Variants in FAM90A20 observed in about 807,000 individuals in gnomAD.
FAM90A20 encodes protein FAM90A20.
chr8:7,297,264 G>A, the FAM90A20 span: 236 of 1,416,966 alleles, frequency 1.7e-4, 12 homozygotes, highest in East Asian at 2.5e-4. Context: ...GACATCCCTC[G>A]GCCTGCAGTC....
chr8:7,296,411 C>A, the FAM90A20 span: 2 of 738,106 alleles, frequency 2.7e-6, no homozygotes, highest in Non-Finnish European at 2.5e-6. Flanking sequence ...AGTGTCACCC[C>A]GGGCCCCTGG....
At chr8:7,297,126 C>T in the FAM90A20 span, 1 of 1,515,544 alleles carries the variant, frequency 6.6e-7, no homozygotes, top group South Asian at 1.1e-5. Context: ...CCTGTCCTCT[C>T]TGGTCGCTCA....
At chr8:7,297,120 T>C in the FAM90A20 span, 3 of 1,507,850 alleles carry the variant, frequency 2.0e-6, no homozygotes, top group Non-Finnish European at 2.7e-6. Flanking sequence ...ATGGACCCTG[T>C]CCTCTCTGGT....
At chr8:7,297,400 G>C in the FAM90A20 span, 4 of 1,539,438 alleles carry the variant, frequency 2.6e-6, 1 homozygote, top group Non-Finnish European at 2.6e-6. Context: ...TCAGAACCCA[G>C]GCACAAGACA....
At chr8:7,297,470 G>T in the FAM90A20 span, 2 of 1,545,118 alleles carry the variant, frequency 1.3e-6, no homozygotes, top group Non-Finnish European at 1.7e-6. Context: ...CTTGGGCCTA[G>T]GCTCCAATCT....
At chr8:7,297,105 C>G in the FAM90A20 span, 8 of 1,502,376 alleles carry the variant, frequency 5.3e-6, 1 homozygote, top group Admixed American at 8.5e-5. Context: ...TGTAAGAGGC[C>G]GCGCATGGAC....
At chr8:7,296,978 T>C in the FAM90A20 span, 1 of 1,191,176 alleles carries the variant, frequency 8.4e-7, no homozygotes, top group Non-Finnish European at 1.2e-6. Context: ...TCATGGTGTG[T>C]GCACCTTGTC....
At chr8:7,297,692 C>T in the FAM90A20 span, 23 of 1,414,002 alleles carry the variant, frequency 1.6e-5, no homozygotes, top group South Asian at 1.0e-4. Context: ...GACACCGGCC[C>T]AGGTGCCCAG....
the FAM90A20 span, chr8:7,296,421 G>T: frequency 1.8e-5 from 13 of 731,716 alleles, 2 homozygotes; most frequent in East Asian, 2.8e-4. Context: ...CGGGCCCCTG[G>T]TCCTTTTATC....
chr8:7,297,061 G>A, the FAM90A20 span: 7 of 1,500,898 alleles, frequency 4.7e-6, 1 homozygote, highest in East Asian at 1.2e-4. Flanking sequence ...CTCTCTTTCA[G>A]GTTGCAAGGG....
the FAM90A20 span, chr8:7,297,008 C>T: frequency 1.4e-6 from 2 of 1,410,802 alleles, no homozygotes; most frequent in African/African-American, 2.1e-5. Flanking sequence ...GTTTGATTTT[C>T]ATGTTGGCTC....
chr8:7,297,533 C>G, the FAM90A20 span: 11 of 1,523,132 alleles, frequency 7.2e-6, 1 homozygote, highest in East Asian at 6.7e-5. Context: ...TCAGGCTTGC[C>G]TGAACTTCCC....
the FAM90A20 span, among the ~76,000 whole-genome samples, chr8:7,296,674 G>T: frequency 7.4e-6 from 1 of 135,566 alleles, no homozygotes; most frequent in South Asian, 2.2e-4. Flanking sequence ...GGCCGCAAAC[G>T]TGGAGAAGGC....
At chr8:7,296,657 C>G in the FAM90A20 span, among the ~76,000 whole-genome samples, 2 of 135,096 alleles carry the variant, frequency 1.5e-5, 1 homozygote. Context: ...GAAATTAGTC[C>G]CTCAGAGGCC....
chr8:7,297,618 A>T, the FAM90A20 span: 1 of 1,428,242 alleles, frequency 7.0e-7, no homozygotes. Flanking sequence ...GCCCCGGAGA[A>T]TCTCCAACCT....
chr8:7,297,163 C>G, the FAM90A20 span: 17 of 1,533,300 alleles, frequency 1.1e-5, 1 homozygote, highest in East Asian at 3.8e-4. Context: ...GCAGGGGCTC[C>G]GTCTTGGCTT....
At chr8:7,295,520 T>A in the FAM90A20 span, 2 of 579,292 alleles carry the variant, frequency 3.5e-6, 1 homozygote, top group African/African-American at 7.0e-5. Flanking sequence ...CGGTGTCCCC[T>A]CTTTGGAATC....
chr8:7,296,475 G>T, the FAM90A20 span: 5 of 679,928 alleles, frequency 7.4e-6, 1 homozygote, highest in Admixed American at 3.9e-5. Context: ...TCCCGTCTGC[G>T]GGAGGAAATC....
chr8:7,297,509 G>C, the FAM90A20 span: 1 of 1,512,918 alleles, frequency 6.6e-7, no homozygotes, highest in East Asian at 2.2e-5. Context: ...CAAGAGACCT[G>C]CCCAGGCTCC....
Sources: gnomAD v4.1 joint callset for allele counts (sites outside exome capture counted in the v4.1 genomes callset) on GRCh38, gnomAD v4.1.1 for gene constraint, MANE v1.5 for transcripts, NCBI Gene and HGNC (gene_info 2026-07-23, HGNC 2026-07-21) for gene names.